ARHGAP11A: variants seen among roughly 807,000 people sequenced by gnomAD.
ARHGAP11A encodes rho GTPase-activating protein 11A.
A neutral mutation model predicts 60.5 loss-of-function variants in ARHGAP11A; 36 were observed. That is an observed-to-expected ratio of 0.59 (90% CI 0.46 to 0.79). The LOEUF is 0.79. ARHGAP11A is among the 30% of genes least tolerant of loss of function. The probability of loss-of-function intolerance (pLI) is 0.00; values close to 1 mark genes in which losing one functional copy is unlikely to be tolerated. For missense variants in ARHGAP11A, 1,071 were observed against 1,199.2 expected (o/e 0.89, Z 1.58); for synonymous variants, 362 against 415.5 (o/e 0.87, Z 1.57).
chr15:32,616,034 T>C lies in ARHGAP11A; in HGVS notation c.-178T>C, dbSNP rs1482514024. On this transcript the variant is annotated 5_prime_UTR_variant, in exon 1 of 12. Coordinates refer to ENST00000361627, the MANE Select transcript of ARHGAP11A (RefSeq NM_014783.6). Reference sequence around the variant, plus strand: ...GCGGGTCTGTGTAAGTGGATGTGAGTGAGGATCAAGGAAAAGCCGTGGAAG... The same window carrying C: ...GCGGGTCTGTGTAAGTGGATGTGAGCGAGGATCAAGGAAAAGCCGTGGAAG... 3.7e-6 allele frequency: 3 copies of C among 800,876 alleles called. No homozygotes were observed. Among genetic ancestry groups the C allele is most frequent in the Non-Finnish European group, 5.8e-6 (3 of 514,754 alleles). The allele number at this position is 800,876 out of a possible 1,614,324, so 49.6% of individuals were successfully genotyped here.
chr15:32,622,088 A>T (rs1403165934), intron 2 of ARHGAP11A, among the ~76,000 whole-genome samples: 1 of 152,306 alleles, frequency 6.6e-6, no homozygotes, highest in Non-Finnish European at 1.5e-5. Context: ...TAAATGACCT[A>T]TGAAAGGCTT....
intron 2 of ARHGAP11A, among the ~76,000 whole-genome samples, chr15:32,621,821 CAAA>C (rs376053100): frequency 9.9e-5 from 12 of 120,930 alleles, no homozygotes; most frequent in African/African-American, 2.3e-4. Context: ...GACTCCGTCT[CAAA>C]AAAAAAAAAA....
At chr15:32,617,816 A>G (rs1017833654) in intron 1 of ARHGAP11A, among the ~76,000 whole-genome samples, 36 of 152,290 alleles carry the variant, frequency 2.4e-4, no homozygotes, top group African/African-American at 7.5e-4. Context: ...TTTCAGAGTC[A>G]GATAGACCTG....
intron 7 of ARHGAP11A, among the ~76,000 whole-genome samples, chr15:32,629,090 A>C (rs919163053): frequency 3.3e-5 from 5 of 152,026 alleles, no homozygotes; most frequent in South Asian, 2.1e-4. Context: ...GTGTGAAAAT[A>C]GTTCAACCTC....
At chr15:32,622,851 C>T (rs1437134527) in intron 2 of ARHGAP11A, among the ~76,000 whole-genome samples, 1 of 152,068 alleles carries the variant, frequency 6.6e-6, no homozygotes, top group Non-Finnish European at 1.5e-5. Context: ...AGAAAATCAC[C>T]CATGAAGAGA....
At position 32,637,750 on chromosome 15, in the gene ARHGAP11A, C is replaced by T. The variant is rs375059268; in HGVS notation, c.2977C>T (p.Pro993Ser). ...GATAAATAACAGGGTCCTTAGGAGA[C>T]CATCAGAAAGAGGAAGGGCCTGGTA... is the stretch of plus-strand genomic sequence containing the variant. ...SGINNRVLRR[P>S]SERGRAWYKG... The change falls in exon 12 of 12, where the codon CCA (proline) becomes TCA (serine). Residue 993 changes from proline to serine, a missense_variant. Pro to Ser is a moderately conservative substitution (Grantham distance 74). Transcript: ENST00000361627. The T allele has an allele frequency of 2.2e-5, 35 of 1,613,894 alleles. No homozygotes were observed. Among genetic ancestry groups the T allele is most frequent in the Non-Finnish European group, 2.9e-5 (34 of 1,179,980 alleles).
At chr15:32,617,653 T>G (rs1036643267) in intron 1 of ARHGAP11A, among the ~76,000 whole-genome samples, 1 of 151,994 alleles carries the variant, frequency 6.6e-6, no homozygotes, top group African/African-American at 2.4e-5. Flanking sequence ...TTGTATTTTT[T>G]AGTAGAGACG....
chr15:32,636,501 T>C lies in ARHGAP11A; in HGVS notation c.1728T>C (p.Asn576=), dbSNP rs1343889590. 3 of 1,613,864 alleles carry C rather than the reference T, an allele frequency of 1.9e-6. No homozygotes were observed. The highest frequency in any genetic ancestry group is 1.7e-5 in the Admixed American group (1 of 59,988). ...LTPSNLNNKH[N]SNITSSPLSG... ...CTTCCAATTTAAACAATAAGCATAA[T>C]AGCAACATAACAAGTAGCCCTCTTA... The change falls in exon 12 of 12, where the codon AAT becomes AAC. Residue 576 remains asparagine, a synonymous_variant. Transcript: ENST00000361627.
chr15:32,626,799 C>T (rs948920032), intron 6 of ARHGAP11A, among the ~76,000 whole-genome samples: 3 of 152,250 alleles, frequency 2.0e-5, no homozygotes, highest in Non-Finnish European at 2.9e-5. Context: ...CTTGCAGCCG[C>T]GTCACTCCAA....
chr15:32,628,061 T>G (rs1392799089), intron 6 of ARHGAP11A, among the ~76,000 whole-genome samples: 1 of 152,174 alleles, frequency 6.6e-6, no homozygotes, highest in Non-Finnish European at 1.5e-5. Flanking sequence ...CTGCTTGCCT[T>G]GGCCTCCCAA....
In ARHGAP11A at chr15:32,627,372, T is replaced by C. The variant is rs1253350230; in HGVS notation, c.863-1356T>C. Among the ~76,000 whole-genome samples, 8 of 152,086 alleles carry C rather than the reference T, an allele frequency of 5.3e-5. No individual in the cohort carries two copies. The East Asian group carries it at 1.5e-3, about 29-fold the overall frequency. ...GTTCTACCTCTTCCTCTACCATCTA[T>C]AATCAGACAGTTTTCATGTCGTATA... is the stretch of plus-strand genomic sequence containing the variant. On this transcript the variant is annotated intron_variant, in intron 6 of 11. Transcript: ENST00000361627.
intron 1 of ARHGAP11A, among the ~76,000 whole-genome samples, chr15:32,617,698 T>C (rs927219242): frequency 6.6e-5 from 10 of 152,292 alleles, no homozygotes; most frequent in African/African-American, 2.4e-4. Context: ...GGTCTCGATC[T>C]CCTGCCCTCG....
At chr15:32,627,888 C>G (rs1342328250) in intron 6 of ARHGAP11A, among the ~76,000 whole-genome samples, 4 of 149,556 alleles carry the variant, frequency 2.7e-5, no homozygotes, top group Non-Finnish European at 5.9e-5. Flanking sequence ...TGGTTCACTG[C>G]AATCTCCACC....
rs1234811234 is a variant in ARHGAP11A, at chr15:32,639,431, C to G, written c.*1586C>G. ...AGGTTTGTAGATGTTTATGGCATTTCTAATTGTAAGTAGAGACAAAATATT... is the reference window on the plus strand; with the variant it reads ...AGGTTTGTAGATGTTTATGGCATTTGTAATTGTAAGTAGAGACAAAATATT... On this transcript the variant is annotated 3_prime_UTR_variant, in exon 12 of 12. Transcript: ENST00000361627. 1 of 152,140 alleles carries G rather than the reference C, an allele frequency of 6.6e-6. No homozygotes were observed. The highest frequency in any genetic ancestry group is 2.4e-5 in the African/African-American group (1 of 41,438). The allele number at this position is 152,140 out of a possible 1,614,324, so 9.4% of individuals were successfully genotyped here. A position where few individuals can be genotyped will look rare whatever the true frequency, so the allele number is the denominator to read the frequency against.
Position 32,637,226 on chromosome 15 carries a change from C to T in ARHGAP11A, c.2453C>T (p.Ser818Phe), listed in dbSNP as rs1201836393. The change falls in exon 12 of 12, where the codon TCT becomes TTT. Residue 818 changes from serine to phenylalanine, a missense_variant. Transcript: ENST00000361627. The part of the protein sequence containing the change: ...SDHIQWFNKL[S>F]LNEPNRIKVK... ...CACATACAGTGGTTTAACAAGCTTT[C>T]TTTAAATGAACCAAATAGAATAAAA... is the stretch of plus-strand genomic sequence containing the variant. 18 of 1,614,112 alleles carry T rather than the reference C, an allele frequency of 1.1e-5. No individual in the cohort carries two copies. In the Admixed American group the frequency reaches 2.0e-4, roughly 18 times the overall value.
chr15:32,637,014 C>G lies in ARHGAP11A; in HGVS notation c.2241C>G (p.Asn747Lys). 1 of 1,612,760 alleles carries G rather than the reference C, an allele frequency of 6.2e-7. No individual in the cohort carries two copies. Among genetic ancestry groups the G allele is most frequent in the Non-Finnish European group, 8.5e-7 (1 of 1,179,734 alleles). Residue 747 changes from asparagine (N) to lysine (K), a missense_variant, in exon 12 of 12, where the codon AAC becomes AAG. Asn to Lys is a moderately conservative substitution (Grantham distance 94). Transcript: ENST00000361627. ...AGAATGAGAATATGATGGAAGGTAACTTACCGAAGTGTGCAGCACATAGCA... is the reference window on the plus strand; with the variant it reads ...AGAATGAGAATATGATGGAAGGTAAGTTACCGAAGTGTGCAGCACATAGCA... ...LKENENMMEG[N>K]LPKCAAHSKD...
intron 7 of ARHGAP11A, among the ~76,000 whole-genome samples, 165 bp from the exon 8 acceptor site, chr15:32,629,430 A>G (rs1362816906): frequency 6.7e-6 from 1 of 148,770 alleles, no homozygotes; most frequent in African/African-American, 2.5e-5. Flanking sequence ...AAGTAATTGC[A>G]GAGTGTTTTA....
In ARHGAP11A at chr15:32,635,873, T is replaced by G; in HGVS notation, c.1441T>G (p.Leu481Val). The G allele has an allele frequency of 6.2e-7, 1 of 1,611,732 alleles. No homozygotes were observed. The highest frequency in any genetic ancestry group is 8.5e-7 in the Non-Finnish European group (1 of 1,179,378). Reference protein sequence around the residue: ...KNRIESVKTGLLFSPDVDEKL... With the variant: ...KNRIESVKTGVLFSPDVDEKL... ...TCGAATTGAATCTGTAAAAACAGGTTTGCTTTTTAGCCCAGATGTTGATGA... is the reference window on the plus strand; with the variant it reads ...TCGAATTGAATCTGTAAAAACAGGTGTGCTTTTTAGCCCAGATGTTGATGA... The change falls in exon 11 of 12, where the codon TTG becomes GTG. Residue 481 changes from leucine (L) to valine (V), a missense_variant. Transcript: ENST00000361627.
chr15:32,616,447 G>A, intron 1 of ARHGAP11A, 107 bp downstream of exon 1: 1 of 1,527,774 alleles, frequency 6.5e-7, no homozygotes, highest in Non-Finnish European at 8.8e-7. Flanking sequence ...CAAAAAGAAT[G>A]GTTAGGTGTG....
Sources: allele counts gnomAD v4.1 joint callset (sites outside exome capture counted in the v4.1 genomes callset), GRCh38; gene constraint gnomAD v4.1.1; transcripts MANE v1.5; gene names NCBI Gene and HGNC (gene_info 2026-07-23, HGNC 2026-07-21).